MAP3K5: variants seen among roughly 807,000 people sequenced by gnomAD.
The protein encoded by MAP3K5 is ASK-1.
A neutral mutation model predicts 158.7 loss-of-function variants in MAP3K5; 56 were observed. The ratio of observed to expected loss-of-function variants is 0.35; its 90% CI spans 0.28 to 0.44. MAP3K5 has a LOEUF of 0.44. MAP3K5 is among the 20% of genes least tolerant of loss of function. The pLI is 1.00. For synonymous variants in MAP3K5, 579 were observed against 601.7 expected (o/e 0.96, Z 0.55); for missense variants, 1,294 against 1,674.8 (o/e 0.77, Z 3.97).
chr6:136,746,648 CAG>C (rs765824999), intron 1 of MAP3K5, among the ~76,000 whole-genome samples: 27 of 152,038 alleles, frequency 1.8e-4, no homozygotes, highest in Admixed American at 9.2e-4. Flanking sequence ...CATGGTTTAA[CAG>C]GGGAAAAAAA....
chr6:136,615,701 C>T (rs1403942020), intron 15 of MAP3K5, among the ~76,000 whole-genome samples: 6 of 151,988 alleles, frequency 3.9e-5, no homozygotes, highest in East Asian at 1.9e-4. Context: ...AGCAATTCCT[C>T]GAGATATAGA....
chr6:136,760,309 AT>A (rs1171191833), intron 1 of MAP3K5, among the ~76,000 whole-genome samples: 1 of 152,206 alleles, frequency 6.6e-6, no homozygotes, highest in Non-Finnish European at 1.5e-5. Flanking sequence ...ACATAAGGCC[AT>A]TTAGTACTAG....
At chr6:136,614,573 G>C (rs1482638165) in intron 15 of MAP3K5, among the ~76,000 whole-genome samples, 1 of 152,158 alleles carries the variant, frequency 6.6e-6, no homozygotes, top group Non-Finnish European at 1.5e-5. Flanking sequence ...GATTCACAGA[G>C]AGGATGACTG....
At chr6:136,683,196 A>T (rs1361808409) in intron 7 of MAP3K5, among the ~76,000 whole-genome samples, 1 of 152,228 alleles carries the variant, frequency 6.6e-6, no homozygotes, top group African/African-American at 2.4e-5. Context: ...GTTAGTCTAA[A>T]CCGGTTGTAA....
At chr6:136,744,842 T>G (rs1782865074) in intron 1 of MAP3K5, among the ~76,000 whole-genome samples, 2 of 152,278 alleles carry the variant, frequency 1.3e-5, no homozygotes, top group South Asian at 2.1e-4. Context: ...AGGGTGGCCA[T>G]CAGGATTTTT....
chr6:136,639,676 T>C (rs1416910046), intron 12 of MAP3K5, 38 bp from the exon 13 acceptor site: 1 of 989,814 alleles, frequency 1.0e-6, no homozygotes, highest in South Asian at 1.4e-5. Flanking sequence ...TTCAGAGAAC[T>C]ATCAATTCTT....
chr6:136,681,251 CT>C (rs1363499315), intron 7 of MAP3K5, among the ~76,000 whole-genome samples: 1 of 152,176 alleles, frequency 6.6e-6, no homozygotes, highest in African/African-American at 2.4e-5. Context: ...TCTCTAATAA[CT>C]GAATTACATA....
At chr6:136,774,785 G>A (rs902862431) in intron 1 of MAP3K5, among the ~76,000 whole-genome samples, 1 of 152,182 alleles carries the variant, frequency 6.6e-6, no homozygotes, top group Non-Finnish European at 1.5e-5. Flanking sequence ...CACTCCATTA[G>A]GTACTAGAGG....
chr6:136,623,516 C>T (rs1243629790), intron 14 of MAP3K5, among the ~76,000 whole-genome samples: 1 of 152,132 alleles, frequency 6.6e-6, no homozygotes, highest in Non-Finnish European at 1.5e-5. Context: ...CCCCAAGACC[C>T]AAAAACATTT....
At chr6:136,648,435 A>G (rs1778368445) in intron 11 of MAP3K5, among the ~76,000 whole-genome samples, 1 of 152,208 alleles carries the variant, frequency 6.6e-6, no homozygotes, top group African/African-American at 2.4e-5. Flanking sequence ...GATTGGAGAA[A>G]GACCACAGTT....
intron 25 of MAP3K5, among the ~76,000 whole-genome samples, chr6:136,578,126 A>G (rs1774701260): frequency 6.6e-6 from 1 of 152,298 alleles, no homozygotes; most frequent in African/African-American, 2.4e-5. Flanking sequence ...AGATCTTTTG[A>G]ATATCTAACC....
chr6:136,648,083 T>C (rs912849964), intron 11 of MAP3K5: 2 of 152,216 alleles, frequency 1.3e-5, no homozygotes, highest in African/African-American at 4.8e-5. Flanking sequence ...CTTCCCTCTA[T>C]TTACTGCACT....
At chr6:136,642,177 G>A (rs1264905603) in intron 12 of MAP3K5, among the ~76,000 whole-genome samples, 1 of 151,992 alleles carries the variant, frequency 6.6e-6, no homozygotes, top group Non-Finnish European at 1.5e-5. Flanking sequence ...ATACCAAAAG[G>A]ACAGAAATCA....
intron 19 of MAP3K5, among the ~76,000 whole-genome samples, chr6:136,604,551 G>GGGATTCAAGATGCAGGTCATAGCCAT (rs1172039979): frequency 3.3e-5 from 5 of 152,200 alleles, no homozygotes; most frequent in Non-Finnish European, 7.4e-5. Context: ...GAGGACTGCA[G>GGGATTCAAGATGCAGGTCATAGCCAT]GGATTCAAGA....
rs1253130886 is a variant in MAP3K5, at chr6:136,701,491, T to C, written c.613-2809A>G. ...TGTTCCTGTCTCAAGTTCTCCTCCA[T>C]GGAACAATAATTAGAAGAGGAAACA... On this transcript the variant is annotated intron_variant, in intron 3 of 29. Coordinates refer to ENST00000359015, the MANE Select transcript of MAP3K5 (RefSeq NM_005923.4). 3.3e-5 allele frequency among the ~76,000 whole-genome samples: 5 copies of C among 152,136 alleles called. No homozygotes were observed. In the East Asian group the frequency reaches 9.6e-4, roughly 29 times the overall value.
intron 8 of MAP3K5, among the ~76,000 whole-genome samples, chr6:136,668,527 T>G (rs1779327175): frequency 6.6e-6 from 1 of 152,158 alleles, no homozygotes; most frequent in Admixed American, 6.5e-5. Flanking sequence ...GTTGGAAAGA[T>G]TCTCTGAAAG....
chr6:136,585,473 C>CTTTCTTTCTTTCTTTCTTTCTTTA (rs562356592), intron 23 of MAP3K5, among the ~76,000 whole-genome samples: 7 of 135,146 alleles, frequency 5.2e-5, no homozygotes, highest in Admixed American at 4.6e-4. Flanking sequence ...CTTTTCTTTT[C>CTTTCTTTCTTTCTTTCTTTCTTTA]TTTATTTATT....
chr6:136,782,783 C>T (rs1784672574), intron 1 of MAP3K5, among the ~76,000 whole-genome samples: 1 of 152,164 alleles, frequency 6.6e-6, no homozygotes, highest in African/African-American at 2.4e-5. Flanking sequence ...AGAAAATTAT[C>T]ACAATGTAGT....
chr6:136,778,681 G>A (rs1263188967), intron 1 of MAP3K5, among the ~76,000 whole-genome samples: 1 of 152,144 alleles, frequency 6.6e-6, no homozygotes, highest in Non-Finnish European at 1.5e-5. Context: ...TGTGAGACAG[G>A]AGAACATAAG....
Sources: allele counts gnomAD v4.1 joint callset (sites outside exome capture counted in the v4.1 genomes callset), GRCh38; gene constraint gnomAD v4.1.1; transcripts MANE v1.5; gene names NCBI Gene and HGNC (gene_info 2026-07-23, HGNC 2026-07-21).